Variants in CTNNBL1 observed in about 807,000 individuals in gnomAD.
CTNNBL1 encodes the protein catenin beta like 1, also known as beta-catenin-like protein 1.
Under a neutral mutation model 72.7 loss-of-function variants are expected in CTNNBL1, and 31 were observed. That is an observed-to-expected ratio of 0.43 (90% confidence interval 0.32 to 0.58). The LOEUF is 0.58. Among genes scored for constraint, CTNNBL1 ranks in the 20% least tolerant of loss-of-function variants. The pLI is 0.08. For synonymous variants in CTNNBL1, 240 were observed against 267.3 expected, an observed-to-expected ratio of 0.90 and a Z score of 1.00; for missense variants, 534 against 725.1, an observed-to-expected ratio of 0.74 and a Z score of 3.03.
intron 13 of CTNNBL1, among the ~76,000 whole-genome samples, chr20:37,852,385 G>A (rs1010185764): frequency 6.6e-6 from 1 of 152,186 alleles, no homozygotes; most frequent in Non-Finnish European, 1.5e-5. Context: ...AGATCCAGGG[G>A]TTGTGTCTTT....
chr20:37,778,033 C>T (rs1307125706), intron 9 of CTNNBL1, among the ~76,000 whole-genome samples: 4 of 152,160 alleles, frequency 2.6e-5, no homozygotes, highest in Non-Finnish European at 5.9e-5. Flanking sequence ...ATTTGACCCA[C>T]TGCCAAGATT....
intron 4 of CTNNBL1, among the ~76,000 whole-genome samples, chr20:37,748,848 G>A (rs751211843): frequency 6.6e-6 from 1 of 152,202 alleles, no homozygotes; most frequent in Non-Finnish European, 1.5e-5. Context: ...TTGGGGATAG[G>A]CTTCAACATA....
At chr20:37,745,778 G>A (rs577905303) in intron 3 of CTNNBL1, among the ~76,000 whole-genome samples, 11 of 152,340 alleles carry the variant, frequency 7.2e-5, no homozygotes, top group African/African-American at 2.2e-4. Flanking sequence ...GGCTTAATCG[G>A]CATTTCTTGT....
At chr20:37,860,996 C>T (rs59374099) in intron 15 of CTNNBL1, among the ~76,000 whole-genome samples, 1,867 of 152,264 alleles carry the variant, frequency 0.012, 40 homozygotes, top group African/African-American at 0.043. Context: ...AGGCATCCAT[C>T]GGGGGTCTTG....
In CTNNBL1 at chr20:37,737,375, C is replaced by A; in HGVS notation, c.220-3C>A. ...AGTTTTTGCATTTGTCTCTTTGTAC[C>A]AGGAGGAGCCATTGGATGAAAGCTC... On this transcript the variant is annotated splice_polypyrimidine_tract_variant and splice_region_variant and intron_variant, in intron 2 of 15. Transcript: ENST00000361383. The A allele has an allele frequency of 6.2e-7, 1 of 1,608,148 alleles. No homozygotes were observed. Among genetic ancestry groups the A allele is most frequent in the South Asian group, 1.1e-5 (1 of 90,760 alleles).
intron 13 of CTNNBL1, among the ~76,000 whole-genome samples, chr20:37,846,110 A>G (rs150579323): frequency 5.0e-4 from 76 of 151,778 alleles, no homozygotes; most frequent in African/African-American, 1.7e-3. Context: ...GAATGGGCCT[A>G]GGGGTGGTGC....
chr20:37,728,478 G>A (rs116968019), intron 1 of CTNNBL1, among the ~76,000 whole-genome samples: 35 of 152,224 alleles, frequency 2.3e-4, no homozygotes, highest in Non-Finnish European at 4.7e-4. Context: ...TCACACTTAT[G>A]TGCCCAGTAC....
Position 37,806,624 on chromosome 20 carries a change from C to T in CTNNBL1, c.1213+3576C>T, listed in dbSNP as rs551487852. On this transcript the variant is annotated intron_variant, in intron 11 of 15. Coordinates refer to ENST00000361383, the MANE Select transcript of CTNNBL1 (RefSeq NM_030877.5). ...AATGGGTAAACATATGTAACACATT[C>T]CATGTTCACTCTGGGGCAGGGTTTT... Among the ~76,000 whole-genome samples, 3 of 152,250 alleles carry T rather than the reference C, an allele frequency of 2.0e-5. No homozygotes were observed. In the East Asian group the frequency reaches 5.8e-4, roughly 29 times the overall value.
At chr20:37,807,741 A>G (rs747493257) in intron 11 of CTNNBL1, among the ~76,000 whole-genome samples, 2 of 152,192 alleles carry the variant, frequency 1.3e-5, no homozygotes, top group Non-Finnish European at 2.9e-5. Context: ...ACCTTCAGAA[A>G]TAGATCAGGG....
intron 13 of CTNNBL1, among the ~76,000 whole-genome samples, chr20:37,846,776 C>CCA (rs2072350586): frequency 6.6e-6 from 1 of 152,172 alleles, no homozygotes; most frequent in Non-Finnish European, 1.5e-5. Flanking sequence ...TTTACATTTG[C>CCA]CACTCCCTTC....
chr20:37,764,139 T>C (rs1042243727), intron 5 of CTNNBL1, among the ~76,000 whole-genome samples: 1 of 152,174 alleles, frequency 6.6e-6, no homozygotes, highest in Non-Finnish European at 1.5e-5. Context: ...TAAGGCCTGT[T>C]ACATATTTTC....
At chr20:37,755,371 T>A (rs2122642511) in intron 4 of CTNNBL1, among the ~76,000 whole-genome samples, 1 of 152,330 alleles carries the variant, frequency 6.6e-6, no homozygotes, top group Middle Eastern at 3.4e-3. Context: ...TTGATTCAAA[T>A]AATTTGTGTG....
At chr20:37,756,400 TTCTCTCTCTC>T (rs11468896) in intron 4 of CTNNBL1, 1 of 148,456 alleles carries the variant, frequency 6.7e-6, no homozygotes, top group Non-Finnish European at 1.5e-5. Context: ...AGGTGTCTGT[TTCTCTCTCTC>T]TCTCTCTCTC....
intron 1 of CTNNBL1, among the ~76,000 whole-genome samples, chr20:37,705,115 T>C (rs1051545034): frequency 5.3e-5 from 8 of 152,244 alleles, no homozygotes; most frequent in African/African-American, 1.9e-4. Context: ...CATCCCTTAA[T>C]GTTTAGCTTA....
chr20:37,761,927 G>C (rs2073421151), intron 5 of CTNNBL1, among the ~76,000 whole-genome samples: 1 of 152,240 alleles, frequency 6.6e-6, no homozygotes, highest in Admixed American at 6.5e-5. Flanking sequence ...GGCCAGTCTT[G>C]TTAATGTGCA....
chr20:37,733,563 G>T (rs376175604), intron 2 of CTNNBL1, among the ~76,000 whole-genome samples: 68 of 152,258 alleles, frequency 4.5e-4, no homozygotes, highest in Middle Eastern at 3.4e-3. Context: ...ATGCGTTGGG[G>T]CCTTTCCACT....
At position 37,723,662 on chromosome 20, in the gene CTNNBL1, A is replaced by C. The variant is rs566793364; in HGVS notation, c.31-9217A>C. ...GACATTTCCTAAAAATATGATGATG[A>C]TAACACCTTTCATTGGTATAGCAAT... On this transcript the variant is annotated intron_variant, in intron 1 of 15. Coordinates refer to ENST00000361383, the MANE Select transcript of CTNNBL1 (RefSeq NM_030877.5). 9.4e-4 allele frequency among the ~76,000 whole-genome samples: 143 copies of C among 152,352 alleles called. 1 individual carries two copies. Among genetic ancestry groups the C allele is most frequent in the Non-Finnish European group, 7.8e-4 (53 of 68,026 alleles).
chr20:37,709,807 A>T (rs1465180160), intron 1 of CTNNBL1, among the ~76,000 whole-genome samples: 1 of 152,258 alleles, frequency 6.6e-6, no homozygotes, highest in Non-Finnish European at 1.5e-5. Flanking sequence ...TTTTTAAAAA[A>T]GGTGGCACAG....
chr20:37,833,235 C>A (rs1265885885), intron 11 of CTNNBL1, among the ~76,000 whole-genome samples: 1 of 152,204 alleles, frequency 6.6e-6, no homozygotes, highest in Admixed American at 6.5e-5. Context: ...AAAACTCGAA[C>A]TGCCCCCTGG....
Sources: gnomAD v4.1 joint callset for allele counts (sites outside exome capture counted in the v4.1 genomes callset) on GRCh38, gnomAD v4.1.1 for gene constraint, MANE v1.5 for transcripts, NCBI Gene and HGNC (gene_info 2026-07-23, HGNC 2026-07-21) for gene names.